Variants in NRCAM observed in about 807,000 individuals in gnomAD.
The protein encoded by NRCAM is neuronal cell adhesion molecule, also known as NgCAM-related cell adhesion molecule.
NRCAM carries 83 observed loss-of-function variants against 156.5 expected under a neutral mutation model. The observed-to-expected ratio is 0.53, with a 90% CI of 0.44 to 0.64. NRCAM has a LOEUF of 0.64. Ranked by LOEUF, NRCAM falls within the 30% of genes least tolerant of loss-of-function variation. The probability of loss-of-function intolerance (pLI) is 0.00; values close to 1 mark genes in which losing one functional copy is unlikely to be tolerated. For synonymous variants in NRCAM, 538 were observed against 563.9 expected (o/e 0.95, Z 0.65); for missense variants, 1,417 against 1,597.3 (o/e 0.89, Z 1.92).
At position 108,184,553 on chromosome 7, in the gene NRCAM, T is replaced by G; in HGVS notation, c.2097A>C (p.Glu699Asp). Residue 699 changes from glutamate to aspartate, a missense_variant, in exon 21 of 33, where the codon GAA becomes GAC. Glu to Asp is a conservative substitution (Grantham distance 45). Around this residue, in one of 2 missense-constraint regions of NRCAM, gnomAD observed 1,238 missense variants for 1,336.4 expected, o/e 0.93. Coordinates refer to ENST00000379028, the MANE Select transcript of NRCAM (RefSeq NM_001037132.4). ...GGGCTGTGGTCTGTGTTCCAGAAACTTCAGTTTGGTGGTGCCACAGCCCTG... is the reference window on the plus strand; with the variant it reads ...GGGCTGTGGTCTGTGTTCCAGAAACGTCAGTTTGGTGGTGCCACAGCCCTG... ...HKPGLWHHQT[E>D]VSGTQTTAQL... is the part of the protein sequence containing the mutation. 1 of 1,613,998 alleles carries G rather than the reference T, an allele frequency of 6.2e-7. No individual in the cohort carries two copies. Among genetic ancestry groups the G allele is most frequent in the Non-Finnish European group, 8.5e-7 (1 of 1,180,032 alleles).
At chr7:108,389,982 A>G (rs1215448868) in intron 2 of NRCAM, among the ~76,000 whole-genome samples, 4 of 152,166 alleles carry the variant, frequency 2.6e-5, no homozygotes, top group Non-Finnish European at 5.9e-5. Context: ...GGATTTTTTC[A>G]CCGACATTCA....
intron 11 of NRCAM, among the ~76,000 whole-genome samples, chr7:108,222,098 TC>T (rs910166429): frequency 3.3e-5 from 5 of 152,180 alleles, no homozygotes; most frequent in African/African-American, 9.7e-5. Flanking sequence ...ATTTTGAAAA[TC>T]TATATACATG....
chr7:108,330,802 A>G (rs866623215), intron 2 of NRCAM, among the ~76,000 whole-genome samples: 20 of 152,148 alleles, frequency 1.3e-4, no homozygotes, highest in African/African-American at 4.8e-4. Flanking sequence ...TCAGGTTATT[A>G]TATTTTATCA....
At chr7:108,370,390 C>T (rs2099620767) in intron 2 of NRCAM, among the ~76,000 whole-genome samples, 3 of 152,072 alleles carry the variant, frequency 2.0e-5, no homozygotes, top group Non-Finnish European at 4.4e-5. Flanking sequence ...AGTCAGGCAA[C>T]ATAGAATGTT....
intron 3 of NRCAM, among the ~76,000 whole-genome samples, chr7:108,253,548 C>T (rs142485052): frequency 3.6e-4 from 55 of 152,144 alleles, no homozygotes; most frequent in African/African-American, 1.3e-3. Flanking sequence ...AGTTGGTGCC[C>T]GTTGTAAGGG....
At chr7:108,362,353 C>T (rs1020440933) in intron 2 of NRCAM, among the ~76,000 whole-genome samples, 5 of 152,154 alleles carry the variant, frequency 3.3e-5, no homozygotes, top group Non-Finnish European at 5.9e-5. Context: ...TATCATCACC[C>T]TGAGGGTTCA....
chr7:108,356,665 C>T (rs1056930197), intron 2 of NRCAM, among the ~76,000 whole-genome samples: 3 of 152,058 alleles, frequency 2.0e-5, no homozygotes, highest in Non-Finnish European at 4.4e-5. Flanking sequence ...CAAAGAGGAG[C>T]CAGGTGGCTT....
At chr7:108,418,600 C>CACAT (rs1003991781) in intron 1 of NRCAM, among the ~76,000 whole-genome samples, 1 of 147,268 alleles carries the variant, frequency 6.8e-6, no homozygotes, top group African/African-American at 2.5e-5. Flanking sequence ...CACACACACA[C>CACAT]GCACTGAAAG....
intron 3 of NRCAM, among the ~76,000 whole-genome samples, chr7:108,298,809 T>C (rs2098509163): frequency 6.6e-6 from 1 of 151,630 alleles, no homozygotes; most frequent in Non-Finnish European, 1.5e-5. Context: ...GATTCTTTTA[T>C]TAAAACACAA....
chr7:108,363,091 G>A (rs1232912590), intron 2 of NRCAM, among the ~76,000 whole-genome samples: 4 of 151,934 alleles, frequency 2.6e-5, no homozygotes, highest in African/African-American at 9.7e-5. Flanking sequence ...GGCCTAACTA[G>A]AATAATTTAA....
At position 108,399,534 on chromosome 7, in the gene NRCAM, T is replaced by G. The variant is rs6973727; in HGVS notation, c.-272A>C. The G allele has an allele frequency of 0.95, 144,094 of 152,264 alleles. 68,233 individuals are homozygous for G. Among genetic ancestry groups the G allele is most frequent in the East Asian group, 1 (5,176 of 5,178 alleles). The allele number at this position is 152,264 out of a possible 1,614,324, so 9.4% of individuals were successfully genotyped here. The stretch of plus-strand genomic sequence containing the variant: ...AATGCCAACAGCTAAGACCAGCTTT[T>G]GTCGAAGTCTTCAGCAAACAGGGGA... On this transcript the variant is annotated 5_prime_UTR_variant, in exon 2 of 33. Transcript: ENST00000379028.
intron 23 of NRCAM, 116 bp downstream of exon 23, chr7:108,182,579 T>C: frequency 1.2e-6 from 1 of 800,280 alleles, no homozygotes; most frequent in Non-Finnish European, 2.1e-6. Flanking sequence ...TTCAGAGAAG[T>C]CGTGCAAAAT....
chr7:108,294,193 GTTTTTTTTTTTTT>G (rs56717039), intron 3 of NRCAM, among the ~76,000 whole-genome samples: 34 of 87,962 alleles, frequency 3.9e-4, no homozygotes, highest in East Asian at 2.2e-3. Flanking sequence ...TTCTTTACTG[GTTTTTTTTTTTTT>G]TTTTTTTTTT....
intron 4 of NRCAM, among the ~76,000 whole-genome samples, chr7:108,239,757 T>C (rs1402471619): frequency 1.3e-5 from 2 of 152,152 alleles, no homozygotes; most frequent in South Asian, 2.1e-4. Context: ...AGGGAGGGAA[T>C]TGTGAGTCTG....
At chr7:108,426,797 G>C (rs7799296) in intron 1 of NRCAM, among the ~76,000 whole-genome samples, 2 of 152,230 alleles carry the variant, frequency 1.3e-5, no homozygotes, top group Non-Finnish European at 2.9e-5. Context: ...TAAATATTGA[G>C]GGAAGTGGGT....
intron 2 of NRCAM, among the ~76,000 whole-genome samples, chr7:108,373,951 T>C (rs755876006): frequency 1.3e-5 from 2 of 152,042 alleles, no homozygotes; most frequent in African/African-American, 4.8e-5. Context: ...TTCCCATCAA[T>C]AGAGAGTACA....
rs564522187 is a variant in NRCAM at position 108,274,674 on chromosome 7, G to C, written c.-106-34504C>G. ...TGGGGTTTTCTAAATATACAGTCAC[G>C]TCATCTGCAAACAAAGACAATTTGA... On this transcript the variant is annotated intron_variant, in intron 3 of 32. Transcript: ENST00000379028. Among the ~76,000 whole-genome samples, 6 of 152,276 alleles carry C rather than the reference G, an allele frequency of 3.9e-5. No homozygotes were observed. In the South Asian group the frequency reaches 1.0e-3, roughly 26 times the overall value.
chr7:108,386,708 G>C (rs559244188), intron 2 of NRCAM, among the ~76,000 whole-genome samples: 1 of 152,230 alleles, frequency 6.6e-6, no homozygotes, highest in East Asian at 1.9e-4. Flanking sequence ...TATATGTTCA[G>C]AAAAGCATAC....
At chr7:108,440,485 A>C (rs1837315774) in intron 1 of NRCAM, among the ~76,000 whole-genome samples, 2 of 152,288 alleles carry the variant, frequency 1.3e-5, no homozygotes, top group Admixed American at 1.3e-4. Context: ...ACACCAATTA[A>C]TTTACAGTAA....
Sources: gnomAD v4.1 joint callset for allele counts (sites outside exome capture counted in the v4.1 genomes callset) on GRCh38, gnomAD v4.1.1 for gene constraint, gnomAD v4.1.1 regional missense constraint, MANE v1.5 for transcripts, NCBI Gene and HGNC (gene_info 2026-07-23, HGNC 2026-07-21) for gene names.